The following MTUS2 variants were observed in gnomAD, a reference collection of about 807,000 sequenced individuals.
The protein encoded by MTUS2 is microtubule-associated tumor suppressor candidate 2.
Under a neutral mutation model 114.1 loss-of-function variants are expected in MTUS2, and 40 were observed. The ratio of observed to expected loss-of-function variants is 0.35; its 90% CI spans 0.27 to 0.46. The LOEUF (loss-of-function observed/expected upper bound fraction) is 0.46. MTUS2 is among the 20% of genes least tolerant of loss of function. The pLI is 1.00. For missense variants in MTUS2, 1,679 were observed against 1,705.4 expected, an observed-to-expected ratio of 0.98 and a Z score of 0.27; for synonymous variants, 688 against 672.0, an observed-to-expected ratio of 1.02 and a Z score of -0.37.
chr13:29,261,557 G>T (rs1897471834), intron 5 of MTUS2, among the ~76,000 whole-genome samples: 2 of 152,158 alleles, frequency 1.3e-5, no homozygotes, highest in Admixed American at 1.3e-4. Flanking sequence ...TTTTAGAACA[G>T]AAAAAATCCA....
Position 29,359,349 on chromosome 13 carries a change from T to G in MTUS2, c.2993T>G (p.Val998Gly), listed in dbSNP as rs1593346426. ...GCCCGTGAGGCTGAGCGGCAGCTGG[T>G]GCTGCGGCTGAAGGAGCGGTGTGAG... Reference protein sequence around the residue: ...PQAREAERQLVLRLKERCEQQ... With the variant: ...PQAREAERQLGLRLKERCEQQ... The change falls in exon 8 of 16, where the codon GTG (valine) becomes GGG (glycine). Residue 998 changes from valine (V) to glycine (G), a missense_variant. Coordinates refer to ENST00000612955, the MANE Select transcript of MTUS2 (RefSeq NM_001033602.4). The G allele has an allele frequency of 1.2e-6, 2 of 1,611,592 alleles. No individual in the cohort carries two copies. The highest frequency in any genetic ancestry group is 1.7e-6 in the Non-Finnish European group (2 of 1,179,080).
chr13:28,956,786 G>T (rs1274235654), intron 2 of MTUS2, among the ~76,000 whole-genome samples: 1 of 152,082 alleles, frequency 6.6e-6, no homozygotes, highest in Non-Finnish European at 1.5e-5. Flanking sequence ...GAGGGAAGAA[G>T]GCTGCCCTAG....
At chr13:29,402,867 G>T (rs1874451210) in intron 8 of MTUS2, among the ~76,000 whole-genome samples, 1 of 152,202 alleles carries the variant, frequency 6.6e-6, no homozygotes, top group Admixed American at 6.5e-5. Context: ...CTCCAGAGTA[G>T]CTGGGATTAC....
chr13:28,837,293 T>C (rs1305919858), intron 1 of MTUS2, among the ~76,000 whole-genome samples: 1 of 152,252 alleles, frequency 6.6e-6, no homozygotes, highest in East Asian at 1.9e-4. Context: ...TGCAGCCACC[T>C]GTTTCGGGTT....
Position 29,099,677 on chromosome 13 carries a change from A to G in MTUS2, c.2447-1096A>G, listed in dbSNP as rs577255620. ...TTGACTAGCATAAGAATGCCACTGA[A>G]TGGGCAGTATATAGGCACTCATGGT... On this transcript the variant is annotated intron_variant, in intron 4 of 15. Coordinates refer to ENST00000612955, the MANE Select transcript of MTUS2 (RefSeq NM_001033602.4). 2.6e-5 allele frequency among the ~76,000 whole-genome samples: 4 copies of G among 152,312 alleles called. No individual in the cohort carries two copies. In the East Asian group the frequency reaches 7.7e-4, roughly 29 times the overall value.
At chr13:28,857,802 GGGTTCACTTC>G (rs1329645302) in intron 2 of MTUS2, among the ~76,000 whole-genome samples, 10 of 152,088 alleles carry the variant, frequency 6.6e-5, no homozygotes. Flanking sequence ...CTTACCTTAC[GGGTTCACTTC>G]GGTATTTCCA....
At chr13:29,091,173 A>G (rs964392942) in intron 4 of MTUS2, among the ~76,000 whole-genome samples, 1 of 151,810 alleles carries the variant, frequency 6.6e-6, no homozygotes, top group African/African-American at 2.4e-5. Context: ...AGTCTACTCA[A>G]TAGGTTCTGT....
chr13:29,122,376 C>A (rs1225513153), intron 5 of MTUS2, among the ~76,000 whole-genome samples: 1 of 152,146 alleles, frequency 6.6e-6, no homozygotes, highest in Non-Finnish European at 1.5e-5. Flanking sequence ...AGGAAACTTA[C>A]AATTATAGCG....
intron 8 of MTUS2, among the ~76,000 whole-genome samples, chr13:29,398,437 GGGCAACA>G (rs1384085044): frequency 3.3e-5 from 5 of 150,180 alleles, no homozygotes; most frequent in African/African-American, 1.2e-4. Flanking sequence ...ACTCCAGCCT[GGGCAACA>G]GAGTGAGACT....
intron 11 of MTUS2, among the ~76,000 whole-genome samples, chr13:29,491,834 T>TAGGTGTGTGTGTGTGGC (rs1882131918): frequency 4.8e-5 from 6 of 125,840 alleles, no homozygotes; most frequent in Non-Finnish European, 8.8e-5. Flanking sequence ...GTGTGTGTGG[T>TAGGTGTGTGTGTGTGGC]AGGTGTGTGT....
At chr13:29,269,618 A>G (rs571136210) in intron 5 of MTUS2, among the ~76,000 whole-genome samples, 10 of 152,306 alleles carry the variant, frequency 6.6e-5, no homozygotes, top group Non-Finnish European at 1.0e-4. Flanking sequence ...GTGAGCGTGT[A>G]AAATGGTGCA....
At position 29,503,214 on chromosome 13, in the gene MTUS2, A is replaced by G. The variant is rs1295239346; in HGVS notation, c.*8A>G. On this transcript the variant is annotated 3_prime_UTR_variant, in exon 16 of 16. Coordinates refer to ENST00000612955, the MANE Select transcript of MTUS2 (RefSeq NM_001033602.4). ...AGCACAACACCCAGATGACGCCACT[A>G]CACGGCCTGCGGGAGCTCCGGCTTC... 1.2e-6 allele frequency: 2 copies of G among 1,612,954 alleles called. No individual in the cohort carries two copies.
chr13:29,314,917 T>C (rs547598860), intron 6 of MTUS2, among the ~76,000 whole-genome samples: 1 of 152,336 alleles, frequency 6.6e-6, no homozygotes, highest in East Asian at 1.9e-4. Context: ...AGATGTTGAA[T>C]CAACCTTGTC....
intron 9 of MTUS2, among the ~76,000 whole-genome samples, chr13:29,444,344 G>T (rs1003485434): frequency 3.9e-5 from 6 of 152,178 alleles, no homozygotes; most frequent in Non-Finnish European, 8.8e-5. Flanking sequence ...CAGGAGAATC[G>T]CTTGAACCCG....
intron 4 of MTUS2, among the ~76,000 whole-genome samples, chr13:29,053,030 C>T (rs374604100): frequency 4.7e-4 from 72 of 152,282 alleles, no homozygotes; most frequent in African/African-American, 1.6e-3. Context: ...CTGGCCTCCC[C>T]AGCCGTGCAG....
chr13:29,255,035 G>A (rs1316886439), intron 5 of MTUS2, among the ~76,000 whole-genome samples: 1 of 152,136 alleles, frequency 6.6e-6, no homozygotes, highest in Non-Finnish European at 1.5e-5. Flanking sequence ...CTGAAAGATG[G>A]CAAGTTCTGA....
intron 8 of MTUS2, among the ~76,000 whole-genome samples, chr13:29,375,998 T>C (rs1871695559): frequency 2.1e-4 from 2 of 9,476 alleles, no homozygotes; most frequent in Non-Finnish European, 5.5e-3. Context: ...TTTAAACATA[T>C]ATGTGTGTGT....
At chr13:29,433,284 C>G (rs1877145529) in intron 8 of MTUS2, among the ~76,000 whole-genome samples, 2 of 152,164 alleles carry the variant, frequency 1.3e-5, no homozygotes, top group Non-Finnish European at 2.9e-5. Context: ...ATTTTGATTT[C>G]TTCTAATACA....
chr13:28,892,613 C>T (rs1049533485), intron 2 of MTUS2, among the ~76,000 whole-genome samples: 1 of 152,104 alleles, frequency 6.6e-6, no homozygotes, highest in Non-Finnish European at 1.5e-5. Context: ...TTTTGAATCA[C>T]CTGGTGGGGT....
Sources: gnomAD v4.1 joint callset for allele counts (sites outside exome capture counted in the v4.1 genomes callset) on GRCh38, gnomAD v4.1.1 for gene constraint, MANE v1.5 for transcripts, NCBI Gene and HGNC (gene_info 2026-07-23, HGNC 2026-07-21) for gene names.